Variants in DISC1 observed in about 807,000 individuals in gnomAD.
DISC1 encodes disrupted in schizophrenia 1 protein.
DISC1 carries 57 observed loss-of-function variants against 84.5 expected under a neutral mutation model. That is an observed-to-expected ratio of 0.67 (90% confidence interval 0.55 to 0.84). DISC1 has a LOEUF of 0.84. Among genes scored for constraint, DISC1 ranks in the 40% least tolerant of loss-of-function variants. The pLI, the probability that DISC1 is intolerant of heterozygous loss-of-function variation, is 0.00. For missense variants in DISC1, 1,000 were observed against 1,057.8 expected (o/e 0.95, Z 0.76); for synonymous variants, 411 against 415.2 (o/e 0.99, Z 0.12).
intron 6 of DISC1, among the ~76,000 whole-genome samples, chr1:231,775,649 CACA>C (rs1172399289): frequency 6.6e-6 from 1 of 152,116 alleles, no homozygotes; most frequent in Non-Finnish European, 1.5e-5. Context: ...TGAGGAGCTC[CACA>C]GTATGGAAGC....
At chr1:231,738,249 A>T (rs1410773952) in intron 3 of DISC1, among the ~76,000 whole-genome samples, 1 of 151,564 alleles carries the variant, frequency 6.6e-6, no homozygotes, top group Non-Finnish European at 1.5e-5. Context: ...TTAATACAAC[A>T]CTCTTCTCCA....
Position 231,888,738 on chromosome 1 carries a change from CAAAAAAAA to C in DISC1, c.1982-70074_1982-70067del, listed in dbSNP as rs34003319. Among the ~76,000 whole-genome samples, 7 of 54,040 alleles carry C rather than the reference CAAAAAAAA, an allele frequency of 1.3e-4. 1 individual carries two copies. The highest frequency in any genetic ancestry group is 4.3e-4 in the Admixed American group (2 of 4,622). 35.5% of individuals were successfully genotyped at this position (54,040 alleles called of 152,430 possible). A position where few individuals can be genotyped will look rare whatever the true frequency, so the allele number is the denominator to read the frequency against. On this transcript the variant is annotated intron_variant, in intron 9 of 12. Coordinates refer to ENST00000439617, the MANE Select transcript of DISC1 (RefSeq NM_018662.3). ...GGGCGACAGAGTGAGGCTCTGTCTC[CAAAAAAAA>C]AAAAAAAAAAAAAAAGAGTGTCCAC...
intron 10 of DISC1, among the ~76,000 whole-genome samples, chr1:232,001,359 G>T (rs9431755): frequency 0.29 from 43,769 of 151,808 alleles, 6,564 homozygotes; most frequent in African/African-American, 0.34. Context: ...GATTACACAC[G>T]TGAGCCACCA....
chr1:231,856,617 T>G (rs970517826), intron 9 of DISC1, among the ~76,000 whole-genome samples: 2 of 152,334 alleles, frequency 1.3e-5, no homozygotes, highest in African/African-American at 4.8e-5. Flanking sequence ...TTTATGTGGC[T>G]GCGGCCCAGG....
At position 231,702,023 on chromosome 1, in the gene DISC1, A is replaced by G; in HGVS notation, c.1116A>G (p.Lys372=). 2 of 1,603,530 alleles carry G rather than the reference A, an allele frequency of 1.2e-6. No homozygotes were observed. Among genetic ancestry groups the G allele is most frequent in the Non-Finnish European group, 1.7e-6 (2 of 1,176,742 alleles). Residue 372 remains lysine (K), a splice_region_variant and synonymous_variant, in exon 3 of 13, where the codon AAA becomes AAG. Coordinates refer to ENST00000439617, the MANE Select transcript of DISC1 (RefSeq NM_018662.3). ...CAGTTGAGAATGATGATTATGATAAAGGTGAGTTTTAATTTGTTTATTGAT... is the reference window on the plus strand; with the variant it reads ...CAGTTGAGAATGATGATTATGATAAGGGTGAGTTTTAATTTGTTTATTGAT... The part of the protein sequence containing the change: ...EDAVENDDYD[K]AETLQQRLED...
intron 6 of DISC1, among the ~76,000 whole-genome samples, chr1:231,781,507 G>A (rs2077429526): frequency 6.6e-6 from 1 of 152,144 alleles, no homozygotes; most frequent in Non-Finnish European, 1.5e-5. Context: ...AGTCATTTTA[G>A]AATGATCATA....
chr1:231,884,501 G>A (rs1388984452), intron 9 of DISC1, among the ~76,000 whole-genome samples: 2 of 152,234 alleles, frequency 1.3e-5, no homozygotes, highest in African/African-American at 2.4e-5. Context: ...TCTGCCCATG[G>A]ATGGGCATTT....
chr1:231,789,090 G>A (rs1558547938), intron 6 of DISC1, among the ~76,000 whole-genome samples: 5 of 152,186 alleles, frequency 3.3e-5, no homozygotes, highest in Admixed American at 2.0e-4. Context: ...ATGTAGGTTA[G>A]TAGAAAATGA....
chr1:231,853,235 AAAT>A (rs1319910305), intron 9 of DISC1, among the ~76,000 whole-genome samples: 3 of 152,254 alleles, frequency 2.0e-5, no homozygotes, highest in African/African-American at 7.2e-5. Flanking sequence ...TGTAGAAACA[AAAT>A]AATCAAATAC....
At chr1:231,702,090 A>G (rs2124898980) in intron 3 of DISC1, 66 bp downstream of exon 3, 1 of 1,557,228 alleles carries the variant, frequency 6.4e-7, no homozygotes, top group Non-Finnish European at 8.7e-7. Context: ...ATCTTTACTC[A>G]TATCTACCTT....
intron 10 of DISC1, among the ~76,000 whole-genome samples, chr1:232,000,281 T>C (rs1450938884): frequency 6.6e-6 from 1 of 152,212 alleles, no homozygotes; most frequent in African/African-American, 2.4e-5. Flanking sequence ...ATGTAAATTA[T>C]AGAACTAAAA....
At chr1:231,935,252 G>A (rs1341613970) in intron 9 of DISC1, among the ~76,000 whole-genome samples, 4 of 152,158 alleles carry the variant, frequency 2.6e-5, no homozygotes, top group Admixed American at 1.3e-4. Context: ...TGGGTCCCCC[G>A]CATTTTTCAG....
chr1:231,773,423 C>T (rs568048052), intron 6 of DISC1, among the ~76,000 whole-genome samples: 6 of 152,286 alleles, frequency 3.9e-5, no homozygotes, highest in Non-Finnish European at 7.4e-5. Context: ...CTCTCTCTGT[C>T]ACCCAGGCTG....
chr1:231,686,168 T>G lies in DISC1; in HGVS notation c.68-7658T>G, dbSNP rs191919252. 1.1e-3 allele frequency among the ~76,000 whole-genome samples: 171 copies of G among 152,300 alleles called. 1 individual carries two copies. Among genetic ancestry groups the G allele is most frequent in the African/African-American group, 3.8e-3 (157 of 41,580 alleles). On this transcript the variant is annotated intron_variant, in intron 1 of 12. Coordinates refer to ENST00000439617, the MANE Select transcript of DISC1 (RefSeq NM_018662.3). ...GTGGATAGTGCAAGCTGTAGGTGGATCTACCATCCTGGGGTCTGGAGGATG... is the reference window on the plus strand; with the variant it reads ...GTGGATAGTGCAAGCTGTAGGTGGAGCTACCATCCTGGGGTCTGGAGGATG...
intron 1 of DISC1, among the ~76,000 whole-genome samples, chr1:231,652,486 T>C (rs1558250834): frequency 6.6e-6 from 1 of 152,118 alleles, no homozygotes; most frequent in African/African-American, 2.4e-5. Context: ...GGAGGAAAAA[T>C]AACACATTTA....
Position 231,940,002 on chromosome 1 carries a change from C to T in DISC1, c.1982-18826C>T, listed in dbSNP as rs1020045779. Among the ~76,000 whole-genome samples the T allele has an allele frequency of 4.6e-5, 7 of 152,190 alleles. No individual in the cohort carries two copies. The East Asian group carries it at 1.3e-3, about 29-fold the overall frequency. On this transcript the variant is annotated intron_variant, in intron 9 of 12. Transcript: ENST00000439617. ...AGGTGATCCACCCACTTCAGCCTTC[C>T]AATGTGCTGGGATTACAGGTATGGG...
rs540026447 is a variant in DISC1 at position 231,746,163 on chromosome 1, T to C, written c.1118-3763T>C. On this transcript the variant is annotated intron_variant, in intron 3 of 12. Coordinates refer to ENST00000439617, the MANE Select transcript of DISC1 (RefSeq NM_018662.3). Reference sequence around the variant, plus strand: ...CCTTTATAGCAATGCAAAACGGATTTAAGCAAACTCATTTTAGCTTCCACA... The same window carrying C: ...CCTTTATAGCAATGCAAAACGGATTCAAGCAAACTCATTTTAGCTTCCACA... Among the ~76,000 whole-genome samples, 37 of 152,350 alleles carry C rather than the reference T, an allele frequency of 2.4e-4. 1 individual carries two copies. The South Asian group carries it at 7.5e-3, about 31-fold the overall frequency.
chr1:231,979,207 C>G (rs150395458), intron 10 of DISC1, among the ~76,000 whole-genome samples: 2,608 of 151,750 alleles, frequency 0.017, 52 homozygotes, highest in African/African-American at 0.059. Context: ...TTCAGGGCTC[C>G]CACTGATTCT....
rs1439147796 is a variant in DISC1 at position 231,960,012 on chromosome 1, A to G, written c.2042+1124A>G. On this transcript the variant is annotated intron_variant, in intron 10 of 12. Coordinates refer to ENST00000439617, the MANE Select transcript of DISC1 (RefSeq NM_018662.3). The stretch of plus-strand genomic sequence containing the variant: ...TATCAGGCAGCCAGTGGTAGCCATA[A>G]GCACGTGGGTATTGGTAAAGAGACA... Among the ~76,000 whole-genome samples the G allele has an allele frequency of 2.0e-5, 3 of 152,310 alleles. No homozygotes were observed. In the East Asian group the frequency reaches 5.8e-4, roughly 29 times the overall value.
Sources: allele counts gnomAD v4.1 joint callset (sites outside exome capture counted in the v4.1 genomes callset), GRCh38; gene constraint gnomAD v4.1.1; transcripts MANE v1.5; gene names NCBI Gene and HGNC (gene_info 2026-07-23, HGNC 2026-07-21).